HAGH: variants seen among roughly 807,000 people sequenced by gnomAD.
HAGH encodes hydroxyacylglutathione hydrolase, mitochondrial.
A neutral mutation model predicts 35.1 loss-of-function variants in HAGH; 29 were observed. The ratio of observed to expected loss-of-function variants is 0.83; its 90% CI spans 0.62 to 1.13. The LOEUF is 1.13. Ranked by LOEUF, HAGH falls within the 50% of genes most tolerant of loss-of-function variation. The pLI is 0.00. For missense variants in HAGH, 478 were observed against 419.6 expected (o/e 1.14, Z -1.22); for synonymous variants, 225 against 176.1 (o/e 1.28, Z -2.20).
chr16:1,816,716 G>C (rs1239375866), intron 7 of HAGH, among the ~76,000 whole-genome samples, 177 bp downstream of exon 7: 1 of 152,214 alleles, frequency 6.6e-6, no homozygotes, highest in African/African-American at 2.4e-5. Context: ...GAGGCAGAGG[G>C]ATCTCCATAG....
intron 7 of HAGH, among the ~76,000 whole-genome samples, chr16:1,811,247 C>G (rs1897634802): frequency 6.6e-6 from 1 of 152,096 alleles, no homozygotes; most frequent in South Asian, 2.1e-4. Context: ...AACCCCATCT[C>G]TACTAAAATA....
chr16:1,811,194 G>C lies in HAGH; in HGVS notation c.748-1361C>G, dbSNP rs557029192. On this transcript the variant is annotated intron_variant, in intron 7 of 8. Coordinates refer to ENST00000397356, the MANE Select transcript of HAGH (RefSeq NM_005326.6). ...TTTGGGAGGCCGAGGTGGGTGGATT[G>C]CCTGAACTCAGGAGTTCGAGACCAG... is the stretch of plus-strand genomic sequence containing the variant. Among the ~76,000 whole-genome samples, 4 of 151,946 alleles carry C rather than the reference G, an allele frequency of 2.6e-5. No individual in the cohort carries two copies. In the South Asian group the frequency reaches 6.2e-4, roughly 24 times the overall value.
chr16:1,817,982 G>A (rs919019039), intron 5 of HAGH, among the ~76,000 whole-genome samples: 5 of 152,254 alleles, frequency 3.3e-5, no homozygotes, highest in African/African-American at 9.6e-5. Context: ...CAGCGGTGCT[G>A]GGCACAGGCC....
At chr16:1,826,975 G>A, upstream of HAGH, 2 of 610,302 alleles carry the variant, frequency 3.3e-6, no homozygotes, top group Non-Finnish European at 5.2e-6. Flanking sequence ...GCCACGGGCC[G>A]GGAGACGGGC....
At chr16:1,827,027 C>T, upstream of HAGH, 2 of 741,664 alleles carry the variant, frequency 2.7e-6, no homozygotes, top group East Asian at 5.8e-5. Flanking sequence ...GCCGGGAGAG[C>T]TGTGCCGCGA....
At chr16:1,811,337 C>T (rs1212175946) in intron 7 of HAGH, among the ~76,000 whole-genome samples, 3 of 152,122 alleles carry the variant, frequency 2.0e-5, no homozygotes, top group Admixed American at 6.5e-5. Flanking sequence ...TCACTTGAAC[C>T]CAGGAGGTGG....
chr16:1,821,953 T>TTG, intron 3 of HAGH: 1 of 101,580 alleles, frequency 9.8e-6, no homozygotes, highest in Admixed American at 1.1e-4. Context: ...TGTTTTTTTG[T>TTG]TTTTTTTTTT....
In HAGH at chr16:1,819,170, G is replaced by C; in HGVS notation, c.486C>G (p.His162Gln). 6.2e-7 allele frequency: 1 copy of C among 1,613,310 alleles called. No individual in the cohort carries two copies. Among genetic ancestry groups the C allele is most frequent in the South Asian group, 1.1e-5 (1 of 91,062 alleles). ...CGGGCTTGCTCACGAAGTAACAAAT[G>C]TGTCCTGAAGTGTGGCACGGGGTCG... ...CLATPCHTSG[H>Q]ICYFVSKPGG... Residue 162 changes from histidine to glutamine, a missense_variant, in exon 5 of 9, where the codon CAC (histidine) becomes CAG (glutamine). Coordinates refer to ENST00000397356, the MANE Select transcript of HAGH (RefSeq NM_005326.6).
chr16:1,822,971 G>A lies in HAGH; in HGVS notation c.143C>T (p.Thr48Ile), dbSNP rs1025025554. ...LRKNLTVDEGTMKVEVLPALT... is the reference protein window; with the variant it reads ...LRKNLTVDEGIMKVEVLPALT... ...GGCAGGCAGCACCTCTACCTTCATG[G>A]TGCCCTCGTCCACGGTCAGGTTCTT... The change falls in exon 2 of 9, where the codon ACC becomes ATC. Residue 48 changes from threonine (T) to isoleucine (I), a missense_variant. Thr to Ile is a moderately conservative substitution (Grantham distance 89). Transcript: ENST00000397356. 3 of 1,613,690 alleles carry A rather than the reference G, an allele frequency of 1.9e-6. No individual in the cohort carries two copies. The highest frequency in any genetic ancestry group is 1.3e-5 in the African/African-American group (1 of 74,914).
chr16:1,819,085 C>T (rs767675373), intron 5 of HAGH, 30 bp downstream of exon 5: 8 of 1,395,256 alleles, frequency 5.7e-6, no homozygotes, highest in Middle Eastern at 3.8e-4. Flanking sequence ...CACGAAGAAC[C>T]CCCGCCCCCA....
At chr16:1,810,106 G>GA (rs1334003493) in intron 7 of HAGH, 1 of 447,654 alleles carries the variant, frequency 2.2e-6, no homozygotes, top group African/African-American at 2.0e-5. Flanking sequence ...AGGCTACAGT[G>GA]AGCCAAGACT....
intron 7 of HAGH, among the ~76,000 whole-genome samples, chr16:1,812,875 CGTGGGCTGGCTCCACCGT>C (rs1010281023): frequency 2.0e-5 from 3 of 151,480 alleles, no homozygotes; most frequent in Admixed American, 6.6e-5. Context: ...GGCTCCACCG[CGTGGGCTGGCTCCACCGT>C]GTGGTGTGCC....
In HAGH at chr16:1,823,045, C is replaced by T; in HGVS notation, c.77-8G>A. The T allele has an allele frequency of 1.2e-6, 2 of 1,613,160 alleles. No individual in the cohort carries two copies. The highest frequency in any genetic ancestry group is 1.7e-6 in the Non-Finnish European group (2 of 1,179,864). ...CTCCCAGCAGGGCTGGACCTGCAGA[C>T]ACAGAGCACAACTCAGCGGGCAGCC... On this transcript the variant is annotated splice_polypyrimidine_tract_variant and splice_region_variant and intron_variant, in intron 1 of 8. Transcript: ENST00000397356.
chr16:1,809,702 TG>T, intron 8 of HAGH, 51 bp downstream of exon 8: 1 of 1,260,206 alleles, frequency 7.9e-7, no homozygotes, highest in Non-Finnish European at 1.2e-6. Context: ...TGTGCAGCAG[TG>T]GGACTGCCAG....
rs1623452 is a variant in HAGH at position 1,808,765 on chromosome 16, G to A, written c.*518C>T. The A allele has an allele frequency of 0.76, 115,396 of 152,412 alleles. 43,766 individuals are homozygous for A. Among genetic ancestry groups the A allele is most frequent in the Middle Eastern group, 0.84 (249 of 298 alleles). 9.4% of individuals were successfully genotyped at this position (152,412 alleles called of 1,614,324 possible). A position where few individuals can be genotyped will look rare whatever the true frequency, so the allele number is the denominator to read the frequency against. On this transcript the variant is annotated 3_prime_UTR_variant, in exon 9 of 9. Coordinates refer to ENST00000397356, the MANE Select transcript of HAGH (RefSeq NM_005326.6). ...CCAGCTGGCTGCTTCCCCAGAGGGC[G>A]GTTTGTGCTTTCTCAAGCAGAGGCA...
At chr16:1,817,339 A>C in intron 5 of HAGH, 68 bp from the exon 6 acceptor site, 1 of 988,696 alleles carries the variant, frequency 1.0e-6, no homozygotes, top group Non-Finnish European at 1.6e-6. Flanking sequence ...GGAGGGGGCC[A>C]GGAGCAGGGT....
intron 5 of HAGH, chr16:1,818,790 G>C: frequency 3.2e-6 from 1 of 316,898 alleles, no homozygotes; most frequent in East Asian, 7.2e-5. Context: ...ACGGCATCAA[G>C]GAACACAGCC....
intron 1 of HAGH, among the ~76,000 whole-genome samples, chr16:1,824,130 G>C (rs540593226): frequency 4.6e-5 from 7 of 151,866 alleles, no homozygotes; most frequent in South Asian, 2.1e-4. Context: ...GCTGAGGCAG[G>C]AGAATTGCTT....
intron 7 of HAGH, among the ~76,000 whole-genome samples, chr16:1,814,175 TAAAAG>T (rs145453986): frequency 0.092 from 14,018 of 151,954 alleles, 790 homozygotes; most frequent in African/African-American, 0.16. Flanking sequence ...ACAAGAAACA[TAAAAG>T]AAAAATTGAG....
Sources: allele counts gnomAD v4.1 joint callset (sites outside exome capture counted in the v4.1 genomes callset), GRCh38; gene constraint gnomAD v4.1.1; transcripts MANE v1.5; gene names NCBI Gene and HGNC (gene_info 2026-07-23, HGNC 2026-07-21).